CFAP54: variants seen among roughly 807,000 people sequenced by gnomAD.
CFAP54 encodes cilia- and flagella-associated protein 54.
Under a neutral mutation model 370.4 loss-of-function variants are expected in CFAP54, and 290 were observed. That is an observed-to-expected ratio of 0.78 (90% CI 0.71 to 0.86). The LOEUF is 0.86. Among genes scored for constraint, CFAP54 ranks in the 40% least tolerant of loss-of-function variants. The probability of loss-of-function intolerance (pLI) is 0.00; values close to 1 mark genes in which losing one functional copy is unlikely to be tolerated. For missense variants in CFAP54, 3,399 were observed against 3,528.7 expected (o/e 0.96, Z 0.93); for synonymous variants, 1,206 against 1,236.5 (o/e 0.98, Z 0.52).
At chr12:96,672,697 A>G (rs573760183) in intron 39 of CFAP54, among the ~76,000 whole-genome samples, 1 of 152,234 alleles carries the variant, frequency 6.6e-6, no homozygotes, top group East Asian at 1.9e-4. Flanking sequence ...TCTTTTATTG[A>G]GCTTGTCTGT....
chr12:96,803,326 T>C (rs1958842296), intron 63 of CFAP54, among the ~76,000 whole-genome samples: 1 of 152,064 alleles, frequency 6.6e-6, no homozygotes, highest in Admixed American at 6.6e-5. Context: ...CTCCACAGCC[T>C]CTGTTGTTTC....
chr12:96,496,926 T>A (rs1044234374), intron 1 of CFAP54, among the ~76,000 whole-genome samples: 2 of 152,246 alleles, frequency 1.3e-5, no homozygotes, highest in Non-Finnish European at 2.9e-5. Flanking sequence ...TTTGTTTTTA[T>A]TTTACTTGGT....
intron 4 of CFAP54, among the ~76,000 whole-genome samples, chr12:96,509,349 T>A (rs535777801): frequency 1.1e-4 from 16 of 152,274 alleles, no homozygotes; most frequent in African/African-American, 3.4e-4. Context: ...TTTTGACAGT[T>A]TGGAATTTAA....
rs769327809 is a variant in CFAP54, at chr12:96,622,550, A to T, written c.3771+829A>T. Among the ~76,000 whole-genome samples the T allele has an allele frequency of 3.9e-5, 6 of 152,226 alleles. No individual in the cohort carries two copies. The East Asian group carries it at 9.6e-4, about 24-fold the overall frequency. On this transcript the variant is annotated intron_variant, in intron 27 of 67. Transcript: ENST00000524981. ...TTTTTAGTAGAGATGGGGTTTCACC[A>T]TGTTGGCCAGGCTGGTCCTGAACTC...
intron 65 of CFAP54, 104 bp downstream of exon 65, chr12:96,818,017 T>C: frequency 1.2e-6 from 1 of 860,720 alleles, no homozygotes; most frequent in Non-Finnish European, 1.6e-6. Context: ...CTTCTGCCTC[T>C]AGTTTATTCA....
At position 96,489,828 on chromosome 12, in the gene CFAP54, C is replaced by A; in HGVS notation, c.219C>A (p.Ala73=). The change falls in exon 1 of 68, where the codon GCC becomes GCA. Residue 73 remains alanine (A), a synonymous_variant. Transcript: ENST00000524981. ...TGGACGCGAAAAACCCGCTCCTGGCCTCTTGTGAGAAGGAGATCCAGGAGT... is the reference window on the plus strand; with the variant it reads ...TGGACGCGAAAAACCCGCTCCTGGCATCTTGTGAGAAGGAGATCCAGGAGT... The part of the protein sequence containing the change: ...GPLDAKNPLL[A]SCEKEIQELL... 6.5e-7 allele frequency: 1 copy of A among 1,536,140 alleles called. No homozygotes were observed. Among genetic ancestry groups the A allele is most frequent in the Non-Finnish European group, 8.7e-7 (1 of 1,146,922 alleles).
intron 60 of CFAP54, among the ~76,000 whole-genome samples, chr12:96,781,285 A>T (rs1958577677): frequency 6.6e-6 from 1 of 152,148 alleles, no homozygotes; most frequent in African/African-American, 2.4e-5. Context: ...TTCTAGGGAA[A>T]AATATTCTTT....
At chr12:96,781,527 A>G (rs1416507277) in intron 60 of CFAP54, among the ~76,000 whole-genome samples, 2 of 152,162 alleles carry the variant, frequency 1.3e-5, no homozygotes, top group African/African-American at 2.4e-5. Flanking sequence ...TGACAAAACA[A>G]TGAAGGGTTT....
chr12:96,699,009 C>T (rs1957464102), intron 45 of CFAP54, among the ~76,000 whole-genome samples: 1 of 152,116 alleles, frequency 6.6e-6, no homozygotes, highest in Non-Finnish European at 1.5e-5. Context: ...ATGCTCACCT[C>T]ATGTAAATGA....
intron 66 of CFAP54, among the ~76,000 whole-genome samples, chr12:96,829,351 C>CTG (rs1959162488): frequency 6.6e-6 from 1 of 152,050 alleles, no homozygotes; most frequent in South Asian, 2.1e-4. Context: ...AGAATAACCC[C>CTG]TATTAATATT....
intron 61 of CFAP54, among the ~76,000 whole-genome samples, chr12:96,785,635 A>G (rs1236659700): frequency 1.3e-5 from 2 of 152,184 alleles, no homozygotes; most frequent in African/African-American, 4.8e-5. Context: ...AGGGAAGTTC[A>G]GAGGGAAAGG....
intron 67 of CFAP54, among the ~76,000 whole-genome samples, chr12:96,874,699 G>C (rs1454811753): frequency 4.6e-5 from 6 of 131,710 alleles, no homozygotes; most frequent in East Asian, 4.7e-4. Context: ...GCGCGATCTC[G>C]GCTCACTGCA....
chr12:96,490,436 G>A (rs1954868379), intron 1 of CFAP54, among the ~76,000 whole-genome samples: 1 of 152,190 alleles, frequency 6.6e-6, no homozygotes, highest in Non-Finnish European at 1.5e-5. Context: ...GAGCTACCTC[G>A]AAGTTATTCC....
chr12:96,760,760 G>T (rs1958327064), intron 58 of CFAP54, among the ~76,000 whole-genome samples: 1 of 152,130 alleles, frequency 6.6e-6, no homozygotes. Context: ...ATGTTTCATA[G>T]GTTGACCCAT....
intron 44 of CFAP54, among the ~76,000 whole-genome samples, chr12:96,691,647 C>T (rs1565943980): frequency 6.6e-6 from 1 of 152,080 alleles, no homozygotes; most frequent in Non-Finnish European, 1.5e-5. Flanking sequence ...TTAAGTTGTT[C>T]AGGTTATATC....
intron 22 of CFAP54, among the ~76,000 whole-genome samples, chr12:96,585,893 A>C (rs1388546196): frequency 6.6e-6 from 1 of 151,942 alleles, no homozygotes; most frequent in African/African-American, 2.4e-5. Context: ...CTTTCTCTCA[A>C]ATTTTCCTGC....
At chr12:96,554,606 A>T (rs1460604257) in intron 16 of CFAP54, 70 bp from the exon 17 acceptor site, 1 of 1,360,794 alleles carries the variant, frequency 7.3e-7, no homozygotes, top group East Asian at 2.5e-5. Context: ...TTGAGTGATA[A>T]TAGTATACAG....
intron 48 of CFAP54, among the ~76,000 whole-genome samples, 188 bp downstream of exon 48, chr12:96,708,991 C>T (rs1181799462): frequency 7.2e-5 from 11 of 152,070 alleles, no homozygotes; most frequent in Admixed American, 7.2e-4. Flanking sequence ...TATATATATC[C>T]ATATTCATAT....
At position 96,664,199 on chromosome 12, in the gene CFAP54, T is replaced by G. The variant is rs954582691; in HGVS notation, c.5563+267T>G. 2.0e-5 allele frequency among the ~76,000 whole-genome samples: 3 copies of G among 152,162 alleles called. No homozygotes were observed. The South Asian group carries it at 6.2e-4, about 32-fold the overall frequency. On this transcript the variant is annotated intron_variant, in intron 39 of 67. Transcript: ENST00000524981. ...GGTTTGTTACATAGGTAAACTTGTGTCATGGGGGCTTGTTTTACAGATTAT... is the reference window on the plus strand; with the variant it reads ...GGTTTGTTACATAGGTAAACTTGTGGCATGGGGGCTTGTTTTACAGATTAT...
Sources: allele counts gnomAD v4.1 joint callset (sites outside exome capture counted in the v4.1 genomes callset), GRCh38; gene constraint gnomAD v4.1.1; transcripts MANE v1.5; gene names NCBI Gene and HGNC (gene_info 2026-07-23, HGNC 2026-07-21).